The following LUZP2 variants were observed in gnomAD, a reference collection of about 807,000 sequenced individuals.
LUZP2 encodes the protein leucine zipper protein 2.
In LUZP2, 52 loss-of-function variants were observed where a neutral mutation model predicts 51.6. The ratio of observed to expected loss-of-function variants is 1.01; its 90% CI spans 0.81 to 1.27. The LOEUF is 1.27. LUZP2 is among the 50% of genes most tolerant of loss of function. The pLI is 0.00. For missense variants in LUZP2, 436 were observed against 395.4 expected (o/e 1.10, Z -0.87); for synonymous variants, 154 against 137.3 (o/e 1.12, Z -0.85).
chr11:24,842,011 A>C (rs1851047534), intron 5 of LUZP2, among the ~76,000 whole-genome samples: 3 of 152,012 alleles, frequency 2.0e-5, no homozygotes, highest in Non-Finnish European at 4.4e-5. Flanking sequence ...CATCCATTTT[A>C]ATTATCTAAG....
intron 1 of LUZP2, among the ~76,000 whole-genome samples, chr11:24,647,133 C>G (rs965718496): frequency 2.0e-4 from 30 of 152,084 alleles, no homozygotes; most frequent in African/African-American, 6.5e-4. Flanking sequence ...TTCTGTTTCT[C>G]AAATATGTCA....
intron 1 of LUZP2, among the ~76,000 whole-genome samples, chr11:24,629,011 C>A (rs2087967979): frequency 6.6e-6 from 1 of 151,900 alleles, no homozygotes; most frequent in South Asian, 2.1e-4. Context: ...TATAAAAAAG[C>A]AATGTAATAA....
chr11:24,890,683 T>C (rs1263422287), intron 5 of LUZP2, among the ~76,000 whole-genome samples: 3 of 152,118 alleles, frequency 2.0e-5, no homozygotes, highest in Non-Finnish European at 2.9e-5. Context: ...TTGTTTGAGA[T>C]AGTCACACAA....
At chr11:24,646,649 G>T in intron 1 of LUZP2, 2 of 963,112 alleles carry the variant, frequency 2.1e-6, no homozygotes, top group African/African-American at 1.8e-5. Flanking sequence ...CTTTAATCAA[G>T]AAAGCAAATT....
chr11:24,677,469 C>G (rs890633975), intron 1 of LUZP2, among the ~76,000 whole-genome samples: 1 of 152,292 alleles, frequency 6.6e-6, no homozygotes, highest in Non-Finnish European at 1.5e-5. Flanking sequence ...TTGTTCTGAT[C>G]TCAGAGCTTT....
intron 1 of LUZP2, among the ~76,000 whole-genome samples, chr11:24,546,129 T>C (rs1851532978): frequency 6.6e-6 from 1 of 152,100 alleles, no homozygotes; most frequent in Admixed American, 6.6e-5. Flanking sequence ...GTACATTAAT[T>C]TTGTATGTTG....
intron 1 of LUZP2, among the ~76,000 whole-genome samples, chr11:24,716,596 T>G (rs542320912): frequency 6.6e-6 from 1 of 152,054 alleles, no homozygotes; most frequent in Non-Finnish European, 1.5e-5. Flanking sequence ...AAACATCAAA[T>G]TAAATAGTAA....
chr11:24,901,750 G>A (rs923048742), intron 5 of LUZP2, among the ~76,000 whole-genome samples: 1 of 152,036 alleles, frequency 6.6e-6, no homozygotes, highest in Non-Finnish European at 1.5e-5. Context: ...CCCTCTACCC[G>A]TGATAGCTCC....
chr11:24,879,981 G>A (rs1007583679), intron 5 of LUZP2, among the ~76,000 whole-genome samples: 5 of 152,146 alleles, frequency 3.3e-5, no homozygotes, highest in African/African-American at 1.2e-4. Flanking sequence ...TATGTCACAT[G>A]CTCCCCATGT....
At chr11:25,004,985 G>A (rs947372263) in intron 9 of LUZP2, among the ~76,000 whole-genome samples, 13 of 152,132 alleles carry the variant, frequency 8.5e-5, no homozygotes, top group African/African-American at 2.4e-4. Flanking sequence ...AAGTGAGATC[G>A]AAGGTTTGCT....
At chr11:24,870,086 C>T (rs1217734972) in intron 5 of LUZP2, among the ~76,000 whole-genome samples, 2 of 152,080 alleles carry the variant, frequency 1.3e-5, no homozygotes, top group African/African-American at 2.4e-5. Flanking sequence ...CCAAAACATT[C>T]CCTTAAGCCA....
At chr11:24,553,176 A>C (rs927481843) in intron 1 of LUZP2, among the ~76,000 whole-genome samples, 1 of 151,776 alleles carries the variant, frequency 6.6e-6, no homozygotes, top group African/African-American at 2.4e-5. Context: ...ATATATACAC[A>C]CACATTTCTG....
chr11:24,631,396 GTT>G (rs201315098), intron 1 of LUZP2, among the ~76,000 whole-genome samples: 19 of 144,672 alleles, frequency 1.3e-4, no homozygotes, highest in East Asian at 1.2e-3. Flanking sequence ...TTTCTTTATT[GTT>G]TTTTTTTTTC....
intron 1 of LUZP2, among the ~76,000 whole-genome samples, chr11:24,503,916 C>T (rs975816567): frequency 2.0e-5 from 3 of 152,066 alleles, no homozygotes; most frequent in African/African-American, 4.8e-5. Context: ...CATCATAGAA[C>T]AACAGGCCGT....
At chr11:24,794,618 A>G (rs1267520671) in intron 5 of LUZP2, among the ~76,000 whole-genome samples, 1 of 152,190 alleles carries the variant, frequency 6.6e-6, no homozygotes, top group East Asian at 1.9e-4. Context: ...CTATGACTGT[A>G]TAAATTGGTT....
At chr11:24,826,190 A>AAAAAAAAAAAAAAATATATAT (rs1215786412) in intron 5 of LUZP2, among the ~76,000 whole-genome samples, 1 of 67,536 alleles carries the variant, frequency 1.5e-5, no homozygotes, top group Non-Finnish European at 2.6e-5. Context: ...AAAAAAAAAA[A>AAAAAAAAAAAAAAATATATAT]ATATATATAT....
chr11:24,981,641 C>A (rs1374610125), intron 8 of LUZP2, among the ~76,000 whole-genome samples: 1 of 151,686 alleles, frequency 6.6e-6, no homozygotes, highest in East Asian at 1.9e-4. Context: ...CCTAACAAGG[C>A]CCAGAGGAAA....
At chr11:24,569,683 TCA>T (rs1432608659) in intron 1 of LUZP2, among the ~76,000 whole-genome samples, 1 of 55,010 alleles carries the variant, frequency 1.8e-5, no homozygotes, top group Non-Finnish European at 3.5e-5. Context: ...TTTTCTAATT[TCA>T]CATTCTATAT....
At chr11:24,744,238 G>A (rs1392546212) in intron 4 of LUZP2, among the ~76,000 whole-genome samples, 4 of 152,100 alleles carry the variant, frequency 2.6e-5, no homozygotes, top group African/African-American at 9.7e-5. Flanking sequence ...AATAAATTAG[G>A]GAGGGTTCCC....
Sources: gnomAD v4.1 joint callset for allele counts (sites outside exome capture counted in the v4.1 genomes callset) on GRCh38, gnomAD v4.1.1 for gene constraint, MANE v1.5 for transcripts, NCBI Gene and HGNC (gene_info 2026-07-23, HGNC 2026-07-21) for gene names.